Variants in KLHL2 observed in about 807,000 individuals in gnomAD.
The protein encoded by KLHL2 is kelch like family member 2, also known as kelch-like protein 2.
Under a neutral mutation model 75.8 loss-of-function variants are expected in KLHL2, and 15 were observed. The observed-to-expected ratio is 0.20, with a 90% CI of 0.13 to 0.30. KLHL2 has a LOEUF of 0.30. KLHL2 is among the 10% of genes least tolerant of loss of function. The pLI is 1.00. For synonymous variants in KLHL2, 214 were observed against 251.9 expected (o/e 0.85, Z 1.42); for missense variants, 381 against 741.0 (o/e 0.51, Z 5.64).
chr4:165,248,087 A>G (rs558682865), intron 4 of KLHL2, among the ~76,000 whole-genome samples: 3 of 151,984 alleles, frequency 2.0e-5, no homozygotes, highest in Non-Finnish European at 4.4e-5. Context: ...ATCTAGGCTG[A>G]GGTTGGCTGG....
Position 165,263,331 on chromosome 4 carries a change from C to T in KLHL2, c.516C>T (p.Asp172=), listed in dbSNP as rs1741855569. Residue 172 remains aspartate (D), a synonymous_variant, in exon 5 of 15, where the codon GAC becomes GAT. Transcript: ENST00000226725. ...RAFADMHACT[D]LLNKANTYAE... ...TTGCTGATATGCATGCATGTACCGA[C>T]CTTCTGAACAAGGCCAACACCTATG... The T allele has an allele frequency of 1.2e-6, 2 of 1,613,848 alleles. No individual in the cohort carries two copies. Among genetic ancestry groups the T allele is most frequent in the Admixed American group, 3.3e-5 (2 of 59,936 alleles).
At position 165,255,182 on chromosome 4, in the gene KLHL2, C is replaced by T. The variant is rs552758506; in HGVS notation, c.382-8015C>T. On this transcript the variant is annotated intron_variant, in intron 4 of 14. Coordinates refer to ENST00000226725, the MANE Select transcript of KLHL2 (RefSeq NM_007246.4). ...GAGATGGCTTTCAGTCTGCCTGAGG[C>T]TGCTTTGCCCCCAAATTTCTCCTCT... is the stretch of plus-strand genomic sequence containing the variant. Among the ~76,000 whole-genome samples, 28 of 152,254 alleles carry T rather than the reference C, an allele frequency of 1.8e-4. No individual in the cohort carries two copies. The South Asian group carries it at 5.8e-3, about 32-fold the overall frequency.
At position 165,310,690 on chromosome 4, in the gene KLHL2, T is replaced by C. The variant is rs776095440; in HGVS notation, c.1177T>C (p.Leu393=). ...TAACATGAGAGACCGGAGAAGCACT[T>C]TGGGAGCTGCTGTGTTAAATGGATT... ...VANMRDRRST[L]GAAVLNGLLY... is the part of the protein sequence containing the mutation. Residue 393 remains leucine, a synonymous_variant, in exon 10 of 15, where the codon TTG becomes CTG. Coordinates refer to ENST00000226725, the MANE Select transcript of KLHL2 (RefSeq NM_007246.4). The C allele has an allele frequency of 1.2e-5, 19 of 1,614,062 alleles. No individual in the cohort carries two copies. Among genetic ancestry groups the C allele is most frequent in the Non-Finnish European group, 1.6e-5 (19 of 1,179,986 alleles).
chr4:165,225,423 G>A (rs1004900488), intron 2 of KLHL2, among the ~76,000 whole-genome samples: 1 of 152,168 alleles, frequency 6.6e-6, no homozygotes, highest in Non-Finnish European at 1.5e-5. Flanking sequence ...TCCTTGATAA[G>A]TGAATGAATA....
intron 5 of KLHL2, among the ~76,000 whole-genome samples, chr4:165,292,575 C>A (rs534001711): frequency 3.3e-5 from 5 of 152,162 alleles, no homozygotes; most frequent in African/African-American, 1.2e-4. Context: ...TCAGGTCATC[C>A]GCCCACCTTG....
intron 4 of KLHL2, among the ~76,000 whole-genome samples, chr4:165,256,724 T>G (rs1741203861): frequency 6.6e-6 from 1 of 152,230 alleles, no homozygotes; most frequent in African/African-American, 2.4e-5. Context: ...AATGCACCAC[T>G]TAACAAATAC....
At chr4:165,221,054 G>A (rs72699579) in intron 2 of KLHL2, among the ~76,000 whole-genome samples, 3 of 151,816 alleles carry the variant, frequency 2.0e-5, no homozygotes, top group Non-Finnish European at 4.4e-5. Context: ...TAATCTTTCT[G>A]TGCTGCCTAA....
chr4:165,236,647 A>G (rs1739370385), intron 3 of KLHL2, among the ~76,000 whole-genome samples: 1 of 152,250 alleles, frequency 6.6e-6, no homozygotes, highest in South Asian at 2.1e-4. Context: ...ATTAGATATA[A>G]ATAACTTTTA....
At chr4:165,264,740 G>GTATATATATA (rs1216985793) in intron 5 of KLHL2, among the ~76,000 whole-genome samples, 1 of 75,752 alleles carries the variant, frequency 1.3e-5, no homozygotes, top group Non-Finnish European at 2.4e-5. Context: ...ATATATATAT[G>GTATATATATA]TATATATATA....
At chr4:165,252,860 C>G (rs1457029925) in intron 4 of KLHL2, among the ~76,000 whole-genome samples, 1 of 152,110 alleles carries the variant, frequency 6.6e-6, no homozygotes, top group Non-Finnish European at 1.5e-5. Context: ...CCGTTGACCT[C>G]TGGTTAATCT....
chr4:165,222,340 C>T (rs1273992333), intron 2 of KLHL2, among the ~76,000 whole-genome samples: 2 of 152,064 alleles, frequency 1.3e-5, no homozygotes, highest in Admixed American at 1.3e-4. Context: ...CCTTGCCTGG[C>T]CCTAGGATTA....
intron 5 of KLHL2, among the ~76,000 whole-genome samples, chr4:165,263,856 T>TA (rs1262361505): frequency 7.1e-6 from 1 of 140,852 alleles, no homozygotes; most frequent in Non-Finnish European, 1.5e-5. Flanking sequence ...TTTTGTGGCT[T>TA]AAAAAAATCT....
At position 165,319,853 on chromosome 4, in the gene KLHL2, A is replaced by T. The variant is rs1432408115; in HGVS notation, c.1753+1884A>T. The stretch of plus-strand genomic sequence containing the variant: ...GGTTTTGGTTTTTGGTGGGTGCAGG[A>T]TTGCTGTAAGAAAGGCATACCTGTC... On this transcript the variant is annotated intron_variant, in intron 14 of 14. Transcript: ENST00000226725. The surrounding 1 kb of genome is among the most constrained non-coding windows in gnomAD (Gnocchi z 4.5). Among the ~76,000 whole-genome samples, 9 of 152,188 alleles carry T rather than the reference A, an allele frequency of 5.9e-5. No individual in the cohort carries two copies. Among genetic ancestry groups the T allele is most frequent in the African/African-American group, 2.2e-4 (9 of 41,530 alleles).
intron 5 of KLHL2, among the ~76,000 whole-genome samples, chr4:165,276,797 T>C (rs1395478749): frequency 6.6e-6 from 1 of 152,150 alleles, no homozygotes; most frequent in Non-Finnish European, 1.5e-5. Flanking sequence ...TTTTTCTACT[T>C]AGGTATTTAA....
rs1430745540 is a variant in KLHL2 at position 165,322,238 on chromosome 4, C to CGT, written c.*181_*182dup. The CGT allele has an allele frequency of 1.7e-6, 1 of 597,918 alleles. No homozygotes were observed. Among genetic ancestry groups the CGT allele is most frequent in the African/African-American group, 1.9e-5 (1 of 53,584 alleles). 37.0% of individuals were successfully genotyped at this position (597,918 alleles called of 1,614,324 possible). On this transcript the variant is annotated 3_prime_UTR_variant, in exon 15 of 15. Coordinates refer to ENST00000226725, the MANE Select transcript of KLHL2 (RefSeq NM_007246.4). The stretch of plus-strand genomic sequence containing the variant: ...TGAAGATTATTTTTGGTAGAAGCAC[C>CGT]GTGTAGGCTTTTTCTGCAATGAGCA...
At chr4:165,219,297 C>A (rs1737797590) in intron 1 of KLHL2, among the ~76,000 whole-genome samples, 2 of 152,260 alleles carry the variant, frequency 1.3e-5, no homozygotes, top group African/African-American at 4.8e-5. Flanking sequence ...TCAAACTATT[C>A]TCTTCATCTG....
At chr4:165,271,648 C>T (rs1742704924) in intron 5 of KLHL2, among the ~76,000 whole-genome samples, 1 of 152,144 alleles carries the variant, frequency 6.6e-6, no homozygotes, top group Admixed American at 6.6e-5. Context: ...TTATTTCTTT[C>T]TTTTGCCTGA....
At chr4:165,287,564 C>A (rs1245757425) in intron 5 of KLHL2, among the ~76,000 whole-genome samples, 1 of 133,402 alleles carries the variant, frequency 7.5e-6, no homozygotes. Flanking sequence ...TTTCGAGTAA[C>A]CTCCATGCTT....
intron 9 of KLHL2, among the ~76,000 whole-genome samples, chr4:165,306,124 A>G (rs891090351): frequency 6.6e-6 from 1 of 152,250 alleles, no homozygotes; most frequent in African/African-American, 2.4e-5. Flanking sequence ...TTTTACAAAC[A>G]TTTGTTGAAA....
Sources: gnomAD v4.1 joint callset for allele counts (sites outside exome capture counted in the v4.1 genomes callset) on GRCh38, gnomAD v4.1.1 for gene constraint, Gnocchi (gnomAD v3.1) non-coding constraint, MANE v1.5 for transcripts, NCBI Gene and HGNC (gene_info 2026-07-23, HGNC 2026-07-21) for gene names.